AMOTL1: variants seen among roughly 807,000 people sequenced by gnomAD.
AMOTL1 encodes angiomotin like 1, also known as angiomotin-like protein 1.
In AMOTL1, 45 loss-of-function variants were observed where a neutral mutation model predicts 102.9. The observed-to-expected ratio is 0.44, with a 90% CI of 0.34 to 0.56. The LOEUF is 0.56. Among genes scored for constraint, AMOTL1 ranks in the 20% least tolerant of loss-of-function variants. The pLI is 0.01. For missense variants in AMOTL1, 1,114 were observed against 1,225.6 expected (o/e 0.91, Z 1.36); for synonymous variants, 481 against 484.7 (o/e 0.99, Z 0.10).
At chr11:94,719,901 G>T (rs1278377543) in intron 1 of AMOTL1, among the ~76,000 whole-genome samples, 2 of 151,960 alleles carry the variant, frequency 1.3e-5, no homozygotes, top group Non-Finnish European at 2.9e-5. Context: ...TAAGAAATAC[G>T]GGCACCCAAG....
intron 6 of AMOTL1, 131 bp from the exon 7 acceptor site, chr11:94,849,983 G>A: frequency 8.6e-7 from 1 of 1,163,192 alleles, no homozygotes; most frequent in Non-Finnish European, 1.2e-6. Context: ...AAAGGGAGCA[G>A]AAACAGCAAT....
chr11:94,784,081 C>G (rs1951148029), intron 1 of AMOTL1, among the ~76,000 whole-genome samples: 1 of 151,426 alleles, frequency 6.6e-6, no homozygotes, highest in African/African-American at 2.5e-5. Flanking sequence ...TGAGGATTAC[C>G]TGAGATAATG....
chr11:94,775,119 T>G (rs909595617), intron 1 of AMOTL1, among the ~76,000 whole-genome samples: 4 of 152,238 alleles, frequency 2.6e-5, no homozygotes, highest in Admixed American at 2.6e-4. Flanking sequence ...GTGAAAGAGC[T>G]TCATAAGAAG....
intron 1 of AMOTL1, among the ~76,000 whole-genome samples, chr11:94,771,826 T>C (rs1950957662): frequency 6.6e-6 from 1 of 152,124 alleles, no homozygotes; most frequent in Non-Finnish European, 1.5e-5. Flanking sequence ...TTTCCCCCCA[T>C]CTTTTAGGAG....
chr11:94,734,661 A>T (rs1950409047), intron 2 of AMOTL1, among the ~76,000 whole-genome samples: 1 of 152,114 alleles, frequency 6.6e-6, no homozygotes, highest in Non-Finnish European at 1.5e-5. Flanking sequence ...CTCCCCTGGG[A>T]GAGGAGGGGA....
rs748632392 is a variant in AMOTL1 at position 94,873,783 on chromosome 11, A to ACACGCG, written c.*2991_*2992insGCGCAC. On this transcript the variant is annotated 3_prime_UTR_variant, in exon 13 of 13. Coordinates refer to ENST00000433060, the MANE Select transcript of AMOTL1 (RefSeq NM_130847.3). ...TGTGTGTGCACGTGTAACTACACAC[A>ACACGCG]CACACACACACACACACACACACAC... 21 of 135,330 alleles carry ACACGCG rather than the reference A, an allele frequency of 1.6e-4. No homozygotes were observed. The highest frequency in any genetic ancestry group is 7.1e-4 in the Admixed American group (10 of 14,032). 8.4% of individuals were successfully genotyped at this position (135,330 alleles called of 1,614,324 possible).
chr11:94,741,028 T>G (rs951879173), intron 3 of AMOTL1: 24 of 1,285,194 alleles, frequency 1.9e-5, no homozygotes, highest in Non-Finnish European at 2.4e-5. Flanking sequence ...TTGGTCGCAA[T>G]TCTGCCCGAG....
At chr11:94,796,148 T>C (rs1026767955) in intron 2 of AMOTL1, among the ~76,000 whole-genome samples, 1 of 152,234 alleles carries the variant, frequency 6.6e-6, no homozygotes, top group Non-Finnish European at 1.5e-5. Flanking sequence ...ATATCTCAGT[T>C]ACAATATTGA....
chr11:94,712,690 T>C (rs1452280175), intron 1 of AMOTL1, among the ~76,000 whole-genome samples: 1 of 151,660 alleles, frequency 6.6e-6, no homozygotes, highest in Non-Finnish European at 1.5e-5. Context: ...TGTTGTTGTT[T>C]TTCACTGTTG....
chr11:94,829,122 A>G (rs1295139548), intron 4 of AMOTL1, among the ~76,000 whole-genome samples: 1 of 151,698 alleles, frequency 6.6e-6, no homozygotes, highest in Non-Finnish European at 1.5e-5. Context: ...TTAGTGAAAT[A>G]TTTTTTTAAA....
In AMOTL1 at chr11:94,716,537, A is replaced by AGTT. The variant is rs1950101110; in HGVS notation, c.-51+9941_-51+9943dup. On this transcript the variant is annotated intron_variant, in intron 1 of 4. Transcript: ENST00000299004. ...GTATAAGTTCTGGTCTACTTTTGTG[A>AGTT]GTTATAGTTCCATGACAATTTGTTT... Among the ~76,000 whole-genome samples the AGTT allele has an allele frequency of 2.0e-5, 3 of 152,012 alleles. No homozygotes were observed. In the South Asian group the frequency reaches 6.2e-4, roughly 32 times the overall value.
intron 3 of AMOTL1, among the ~76,000 whole-genome samples, chr11:94,754,182 T>C (rs1950692531): frequency 6.6e-6 from 1 of 152,136 alleles, no homozygotes. Flanking sequence ...TATTATATGG[T>C]GACTGCAAGG....
At chr11:94,827,377 T>C (rs1291089542) in intron 4 of AMOTL1, among the ~76,000 whole-genome samples, 2 of 152,208 alleles carry the variant, frequency 1.3e-5, no homozygotes, top group African/African-American at 4.8e-5. Flanking sequence ...GGTGACTTGA[T>C]GATGCCCTTT....
chr11:94,855,671 A>G (rs1952648288), intron 8 of AMOTL1, among the ~76,000 whole-genome samples: 1 of 152,162 alleles, frequency 6.6e-6, no homozygotes, highest in South Asian at 2.1e-4. Flanking sequence ...GTGCTGTGAA[A>G]CCAGACTCAC....
chr11:94,733,324 T>G (rs2135463397), intron 2 of AMOTL1, among the ~76,000 whole-genome samples: 1 of 152,370 alleles, frequency 6.6e-6, no homozygotes, highest in African/African-American at 2.4e-5. Context: ...ATCTGTGATC[T>G]CCTACTGGCA....
At chr11:94,750,177 T>G (rs1248423365) in intron 3 of AMOTL1, among the ~76,000 whole-genome samples, 1 of 152,208 alleles carries the variant, frequency 6.6e-6, no homozygotes, top group African/African-American at 2.4e-5. Flanking sequence ...AAGGCCACCC[T>G]GCAGTTTTAT....
At chr11:94,835,524 T>C (rs541483002) in intron 6 of AMOTL1, among the ~76,000 whole-genome samples, 10 of 152,312 alleles carry the variant, frequency 6.6e-5, no homozygotes, top group Middle Eastern at 6.8e-3. Flanking sequence ...AATAAAATAT[T>C]AGATGTGAAG....
intron 3 of AMOTL1, among the ~76,000 whole-genome samples, chr11:94,755,318 C>T (rs1301060710): frequency 6.6e-6 from 1 of 152,126 alleles, no homozygotes; most frequent in African/African-American, 2.4e-5. Flanking sequence ...AGCAGAAGCT[C>T]ATGTCTGATC....
chr11:94,832,354 G>C (rs1014742954), intron 6 of AMOTL1, among the ~76,000 whole-genome samples: 2 of 152,140 alleles, frequency 1.3e-5, no homozygotes, highest in Non-Finnish European at 2.9e-5. Context: ...TCTTATGATG[G>C]GGTCTTCTGA....
Sources: gnomAD v4.1 joint callset for allele counts (sites outside exome capture counted in the v4.1 genomes callset) on GRCh38, gnomAD v4.1.1 for gene constraint, MANE v1.5 for transcripts, NCBI Gene and HGNC (gene_info 2026-07-23, HGNC 2026-07-21) for gene names.